The following SLC25A18 variants were observed in gnomAD, a reference collection of about 807,000 sequenced individuals.
SLC25A18 encodes solute carrier family 25 member 18, also known as mitochondrial glutamate carrier 2.
SLC25A18 carries 24 observed loss-of-function variants against 31.1 expected under a neutral mutation model. That is an observed-to-expected ratio of 0.77 (90% CI 0.56 to 1.08). The LOEUF (loss-of-function observed/expected upper bound fraction) is 1.08. SLC25A18 is among the 50% of genes least tolerant of loss of function. The pLI is 0.00. For synonymous variants in SLC25A18, 173 were observed against 161.9 expected (o/e 1.07, Z -0.52); for missense variants, 371 against 418.5 (o/e 0.89, Z 0.99).
chr22:17,570,726 T>C (rs1312307756), intron 2 of SLC25A18, among the ~76,000 whole-genome samples: 1 of 152,148 alleles, frequency 6.6e-6, no homozygotes, highest in Non-Finnish European at 1.5e-5. Flanking sequence ...CCTCAGGTGA[T>C]CTGCCCGCCT....
intron 4 of SLC25A18, 22 bp downstream of exon 4, chr22:17,581,181 T>G: frequency 6.3e-7 from 1 of 1,583,334 alleles, no homozygotes; most frequent in Non-Finnish European, 8.6e-7. Flanking sequence ...CAGGCGAGCG[T>G]GGAGGGCAGA....
rs368279713 is a variant in SLC25A18, at chr22:17,587,087, G to A, written c.410-49G>A. 90 of 1,593,146 alleles carry A rather than the reference G, an allele frequency of 5.6e-5. 4 individuals carry two copies. In the Middle Eastern group the frequency reaches 2.9e-3, roughly 51 times the overall value. ...TGAGAGCCACACTCAGGAGTGTTTC[G>A]TAGCATCTGTTGGGGACCAGGTACT... is the stretch of plus-strand genomic sequence containing the variant. On this transcript the variant is annotated intron_variant, in intron 7 of 10. Transcript: ENST00000327451.
intron 2 of SLC25A18, among the ~76,000 whole-genome samples, chr22:17,577,306 G>A (rs528652533): frequency 1.3e-5 from 2 of 152,172 alleles, no homozygotes; most frequent in East Asian, 1.9e-4. Flanking sequence ...ATAGGCGTGA[G>A]CCTCCAAGCC....
At chr22:17,563,802 A>G (rs2056865935) in intron 1 of SLC25A18, 89 bp downstream of exon 1, 1 of 756,654 alleles carries the variant, frequency 1.3e-6, no homozygotes, top group South Asian at 6.0e-5. Context: ...TCATCTGCTC[A>G]GAGTTCATAA....
chr22:17,588,903 A>AC (rs1046814719), intron 9 of SLC25A18: 1 of 151,360 alleles, frequency 6.6e-6, no homozygotes, highest in Non-Finnish European at 1.5e-5. Flanking sequence ...CTAAAAAAAA[A>AC]AAATGAAAAC....
intron 5 of SLC25A18, 49 bp downstream of exon 5, chr22:17,581,462 T>A: frequency 6.2e-7 from 1 of 1,600,774 alleles, no homozygotes; most frequent in Non-Finnish European, 8.6e-7. Flanking sequence ...TGTGAGCGTA[T>A]GGGACATGGG....
chr22:17,581,433 T>C lies in SLC25A18; in HGVS notation c.199+20T>C, dbSNP rs111439128. Reference sequence around the variant, plus strand: ...ACCGAGGTGGGCTTCTCAGGTCCCCTGGGAGGCTGGGCAGCAGGTGTGAGC... The same window carrying C: ...ACCGAGGTGGGCTTCTCAGGTCCCCCGGGAGGCTGGGCAGCAGGTGTGAGC... On this transcript the variant is annotated intron_variant, in intron 5 of 10. Coordinates refer to ENST00000327451, the MANE Select transcript of SLC25A18 (RefSeq NM_031481.3). The C allele has an allele frequency of 2.4e-5, 39 of 1,613,722 alleles. No homozygotes were observed. The highest frequency in any genetic ancestry group is 1.9e-4 in the African/African-American group (14 of 74,992).
intron 2 of SLC25A18, among the ~76,000 whole-genome samples, chr22:17,577,575 G>A (rs999798773): frequency 2.3e-3 from 326 of 139,650 alleles, no homozygotes; most frequent in Non-Finnish European, 3.3e-3. Flanking sequence ...GTTGTGTCCT[G>A]TCTATTTTTT....
chr22:17,580,707 C>A (rs2057348972), intron 3 of SLC25A18: 2 of 1,093,702 alleles, frequency 1.8e-6, no homozygotes, highest in African/African-American at 3.3e-5. Flanking sequence ...GGCTCCAGGC[C>A]TGCGGAGGAG....
rs1420477016 is a variant in SLC25A18 at position 17,583,549 on chromosome 22, C to T, written c.409+15C>T. 1 of 1,612,226 alleles carries T rather than the reference C, an allele frequency of 6.2e-7. No homozygotes were observed. The highest frequency in any genetic ancestry group is 1.7e-5 in the Admixed American group (1 of 59,952). On this transcript the variant is annotated intron_variant, in intron 7 of 10. Coordinates refer to ENST00000327451, the MANE Select transcript of SLC25A18 (RefSeq NM_031481.3). ...TGGACGCCTGGGTGAGGCCTGTCCC[C>T]ACCTCCTATGGGAACAGTAAAGGGC...
intron 2 of SLC25A18, among the ~76,000 whole-genome samples, chr22:17,574,742 G>C (rs1037594622): frequency 2.0e-5 from 3 of 149,952 alleles, no homozygotes; most frequent in African/African-American, 7.5e-5. Context: ...GGCTGGTCTC[G>C]AACTCCTGAC....
rs587713846 is a variant in SLC25A18, at chr22:17,577,685, A to G, written c.-200-2060A>G. 5.7e-3 allele frequency among the ~76,000 whole-genome samples: 823 copies of G among 143,810 alleles called. 31 individuals carry two copies. Among genetic ancestry groups the G allele is most frequent in the African/African-American group, 0.02 (770 of 38,168 alleles). 94.3% of individuals were successfully genotyped at this position (143,810 alleles called of 152,430 possible). A position where few individuals can be genotyped will look rare whatever the true frequency, so the allele number is the denominator to read the frequency against. ...AAGTTCTGCCTCCCAGGTTCATGCC[A>G]TTCTCCTGCCTCAGCCTCCTGAGTA... is the stretch of plus-strand genomic sequence containing the variant. On this transcript the variant is annotated intron_variant, in intron 2 of 10. Coordinates refer to ENST00000327451, the MANE Select transcript of SLC25A18 (RefSeq NM_031481.3).
At chr22:17,568,189 C>G (rs1476163613) in intron 1 of SLC25A18, among the ~76,000 whole-genome samples, 2 of 151,860 alleles carry the variant, frequency 1.3e-5, no homozygotes, top group East Asian at 3.9e-4. Flanking sequence ...ATGGTGAAAC[C>G]CCGTCTCTAC....
intron 2 of SLC25A18, among the ~76,000 whole-genome samples, chr22:17,579,000 C>A (rs1601305359): frequency 1.3e-5 from 2 of 152,324 alleles, no homozygotes; most frequent in East Asian, 3.9e-4. Flanking sequence ...AACAAGATCA[C>A]ATGAATTTCA....
rs756465769 is a variant in SLC25A18 at position 17,590,084 on chromosome 22, T to TTTC, written c.807-9_807-7dup. On this transcript the variant is annotated splice_polypyrimidine_tract_variant and intron_variant, in intron 10 of 10. Transcript: ENST00000327451. The stretch of plus-strand genomic sequence containing the variant: ...CTGCCCATCAGCTCACTGGCTCTTC[T>TTTC]TTCTCCCCAGGAAACTCTGGATTCA... 1 of 1,613,816 alleles carries TTTC rather than the reference T, an allele frequency of 6.2e-7. No individual in the cohort carries two copies. Among genetic ancestry groups the TTTC allele is most frequent in the South Asian group, 1.1e-5 (1 of 91,064 alleles).
intron 1 of SLC25A18, among the ~76,000 whole-genome samples, chr22:17,568,747 G>T (rs10460750): frequency 6.6e-6 from 1 of 151,122 alleles, no homozygotes; most frequent in Non-Finnish European, 1.5e-5. Flanking sequence ...ATTTTTAGTA[G>T]AAACAGGGTT....
chr22:17,590,255 T>C lies in SLC25A18; in HGVS notation c.*19T>C. On this transcript the variant is annotated 3_prime_UTR_variant, in exon 11 of 11. Coordinates refer to ENST00000327451, the MANE Select transcript of SLC25A18 (RefSeq NM_031481.3). ...TGACTAGACAGAGCTGGAGGTCAAGTCCCTGCGCTTGCCGCCCTCTCTCTA... is the reference window on the plus strand; with the variant it reads ...TGACTAGACAGAGCTGGAGGTCAAGCCCCTGCGCTTGCCGCCCTCTCTCTA... 2 of 1,613,996 alleles carry C rather than the reference T, an allele frequency of 1.2e-6. No homozygotes were observed. The highest frequency in any genetic ancestry group is 1.7e-6 in the Non-Finnish European group (2 of 1,179,900).
At position 17,590,778 on chromosome 22, in the gene SLC25A18, T is replaced by G. The variant is rs943969175; in HGVS notation, c.*542T>G. Reference sequence around the variant, plus strand: ...CGAATCCCTGGATGGCTGAGGGGGCTGAGGCCGGCTCTGACTGGGCAGCTC... The same window carrying G: ...CGAATCCCTGGATGGCTGAGGGGGCGGAGGCCGGCTCTGACTGGGCAGCTC... On this transcript the variant is annotated 3_prime_UTR_variant, in exon 11 of 11. Transcript: ENST00000327451. 2 of 153,654 alleles carry G rather than the reference T, an allele frequency of 1.3e-5. No individual in the cohort carries two copies. Among genetic ancestry groups the G allele is most frequent in the African/African-American group, 4.8e-5 (2 of 41,582 alleles). The allele number at this position is 153,654 out of a possible 1,614,324, so 9.5% of individuals were successfully genotyped here.
In SLC25A18 at chr22:17,579,913, C is replaced by G. The variant is rs190744684; in HGVS notation, c.-32C>G. ...AGCGGCTACCCCAAGGAGCCAGCAG[C>G]CTTGTGTCCTGGGATCCCCAGCCCC... is the stretch of plus-strand genomic sequence containing the variant. On this transcript the variant is annotated 5_prime_UTR_variant, in exon 3 of 11. Coordinates refer to ENST00000327451, the MANE Select transcript of SLC25A18 (RefSeq NM_031481.3). 90 of 1,605,974 alleles carry G rather than the reference C, an allele frequency of 5.6e-5. No homozygotes were observed. The African/African-American group carries it at 1.1e-3, about 19-fold the overall frequency.
Sources: allele counts gnomAD v4.1 joint callset (sites outside exome capture counted in the v4.1 genomes callset), GRCh38; gene constraint gnomAD v4.1.1; transcripts MANE v1.5; gene names NCBI Gene and HGNC (gene_info 2026-07-23, HGNC 2026-07-21).